The following LRRC7 variants were observed in gnomAD, a reference collection of about 807,000 sequenced individuals.
LRRC7 encodes leucine-rich repeat-containing protein 7.
A neutral mutation model predicts 175.7 loss-of-function variants in LRRC7; 23 were observed. That is an observed-to-expected ratio of 0.13 (90% CI 0.09 to 0.19). LRRC7 has a LOEUF of 0.19. Among genes scored for constraint, LRRC7 ranks in the 10% least tolerant of loss-of-function variants. The probability of loss-of-function intolerance (pLI) is 1.00; values close to 1 mark genes in which losing one functional copy is unlikely to be tolerated. For missense variants in LRRC7, 1,354 were observed against 1,904.7 expected (o/e 0.71, Z 5.38); for synonymous variants, 685 against 680.9 (o/e 1.01, Z -0.09).
At chr1:70,062,062 C>T (rs1661620692) in intron 23 of LRRC7, among the ~76,000 whole-genome samples, 2 of 152,106 alleles carry the variant, frequency 1.3e-5, no homozygotes, top group Non-Finnish European at 2.9e-5. Flanking sequence ...ACAACATTGT[C>T]AGGCACCTAC....
chr1:69,963,503 G>C lies in LRRC7; in HGVS notation c.712-16876G>C, dbSNP rs541998139. 2.6e-5 allele frequency among the ~76,000 whole-genome samples: 4 copies of C among 152,268 alleles called. No homozygotes were observed. The South Asian group carries it at 8.3e-4, about 32-fold the overall frequency. ...TTTTGTATGATATGGCAAAGGCCTA[G>C]TGGGGGCTTTGTATTCTTTGGATAA... is the stretch of plus-strand genomic sequence containing the variant. On this transcript the variant is annotated intron_variant, in intron 8 of 26. Transcript: ENST00000651989.
chr1:70,055,411 G>A (rs913160233), intron 23 of LRRC7, among the ~76,000 whole-genome samples: 9 of 152,150 alleles, frequency 5.9e-5, no homozygotes, highest in Non-Finnish European at 1.0e-4. Flanking sequence ...AAGACTGGAC[G>A]CAATGGAACT....
chr1:69,802,232 C>A (rs1382918916), intron 4 of LRRC7, among the ~76,000 whole-genome samples: 4 of 151,290 alleles, frequency 2.6e-5, no homozygotes, highest in Admixed American at 1.3e-4. Context: ...GTCTATTAGG[C>A]CCATTTGGTC....
At position 69,588,279 on chromosome 1, in the gene LRRC7, G is replaced by A. The variant is rs549850392; in HGVS notation, c.2+19638G>A. On this transcript the variant is annotated intron_variant, in intron 1 of 26. Coordinates refer to ENST00000651989, the MANE Select transcript of LRRC7 (RefSeq NM_001370785.2). ...GATGACCATTATTTTATCAGAAATG[G>A]CATCTTATTTTTTTTGCATACCTAG... is the stretch of plus-strand genomic sequence containing the variant. Among the ~76,000 whole-genome samples the A allele has an allele frequency of 1.1e-4, 17 of 152,024 alleles. 1 individual carries two copies. The highest frequency in any genetic ancestry group is 1.0e-3 in the Admixed American group (16 of 15,240).
chr1:69,966,781 C>G (rs1271532749), intron 8 of LRRC7, among the ~76,000 whole-genome samples: 1 of 152,200 alleles, frequency 6.6e-6, no homozygotes, highest in African/African-American at 2.4e-5. Flanking sequence ...ATTTAGAGAG[C>G]CGAGCAAAAT....
At chr1:69,697,870 C>T (rs927588418) in intron 2 of LRRC7, among the ~76,000 whole-genome samples, 3 of 152,168 alleles carry the variant, frequency 2.0e-5, no homozygotes, top group Non-Finnish European at 4.4e-5. Context: ...AGACTTAGTG[C>T]ATCTAGCCTC....
chr1:69,709,359 A>G (rs755207710), intron 2 of LRRC7, among the ~76,000 whole-genome samples: 7 of 152,156 alleles, frequency 4.6e-5, no homozygotes, highest in Non-Finnish European at 1.0e-4. Context: ...ATTTTTTATT[A>G]TGTTCACCCA....
chr1:69,967,413 C>T (rs926250126), intron 8 of LRRC7, among the ~76,000 whole-genome samples: 5 of 152,234 alleles, frequency 3.3e-5, no homozygotes, highest in African/African-American at 1.2e-4. Flanking sequence ...AGTTCTAGGG[C>T]CCCACCCACC....
chr1:69,808,632 G>A (rs918489658), intron 4 of LRRC7, among the ~76,000 whole-genome samples: 5 of 152,016 alleles, frequency 3.3e-5, no homozygotes, highest in African/African-American at 1.2e-4. Flanking sequence ...ACAACTACAA[G>A]GAAACTGAAC....
chr1:69,884,754 G>T (rs1686994513), intron 7 of LRRC7, among the ~76,000 whole-genome samples: 2 of 146,862 alleles, frequency 1.4e-5, no homozygotes, highest in South Asian at 4.4e-4. Flanking sequence ...CTGTGGGTTT[G>T]TCATAGGTAG....
intron 7 of LRRC7, among the ~76,000 whole-genome samples, chr1:69,854,955 A>T (rs767127994): frequency 5.3e-5 from 8 of 152,010 alleles, no homozygotes; most frequent in Non-Finnish European, 5.9e-5. Context: ...ATCTTTTTCA[A>T]CTCTTAATAC....
At chr1:69,936,973 A>G (rs989529495) in intron 8 of LRRC7, among the ~76,000 whole-genome samples, 1 of 152,086 alleles carries the variant, frequency 6.6e-6, no homozygotes, top group African/African-American at 2.4e-5. Context: ...TCCACCATTG[A>G]TAGGCATCTA....
intron 7 of LRRC7, among the ~76,000 whole-genome samples, chr1:69,881,812 C>T (rs12759650): frequency 0.41 from 61,142 of 148,972 alleles, 13,361 homozygotes; most frequent in East Asian, 0.55. Flanking sequence ...CCGAGGAGAA[C>T]AAGACTGCAG....
rs1257018112 is a variant in LRRC7 at position 70,143,899 on chromosome 1, A to AGTT, written c.*22014_*22016dup. ...TATATCACAATTAAAAGTACTTTTT[A>AGTT]GTTGAACTACATATTGATGTAAATA... On this transcript the variant is annotated 3_prime_UTR_variant, in exon 27 of 27. Coordinates refer to ENST00000651989, the MANE Select transcript of LRRC7 (RefSeq NM_001370785.2). 4 of 152,210 alleles carry AGTT rather than the reference A, an allele frequency of 2.6e-5. No homozygotes were observed. The highest frequency in any genetic ancestry group is 4.1e-4 in the South Asian group (2 of 4,836). The allele number at this position is 152,210 out of a possible 1,614,324, so 9.4% of individuals were successfully genotyped here.
intron 4 of LRRC7, among the ~76,000 whole-genome samples, chr1:69,808,353 C>T (rs1677386217): frequency 6.6e-6 from 1 of 151,670 alleles, no homozygotes; most frequent in African/African-American, 2.4e-5. Flanking sequence ...GACAGATGAA[C>T]AAGACAAAAA....
chr1:69,988,639 G>A (rs942257491), intron 10 of LRRC7, among the ~76,000 whole-genome samples: 3 of 152,132 alleles, frequency 2.0e-5, no homozygotes, highest in African/African-American at 7.2e-5. Flanking sequence ...TCTTTTCTGT[G>A]AAAAGGGACT....
intron 6 of LRRC7, among the ~76,000 whole-genome samples, chr1:69,836,721 T>C (rs2101344650): frequency 6.6e-6 from 1 of 152,054 alleles, no homozygotes; most frequent in African/African-American, 2.4e-5. Context: ...TACAAAATAT[T>C]ATACTAGTAC....
intron 7 of LRRC7, chr1:69,838,925 T>C (rs1369783618): frequency 1.3e-5 from 2 of 158,566 alleles, no homozygotes; most frequent in Non-Finnish European, 2.8e-5. Context: ...CAATAGAATT[T>C]TATGTTTTAC....
chr1:70,021,393 GA>G (rs113085310), intron 16 of LRRC7: 57 of 256,124 alleles, frequency 2.2e-4, no homozygotes, highest in African/African-American at 8.4e-4. Context: ...AGGGAAAGTA[GA>G]AAAAAAAATC....
Sources: allele counts gnomAD v4.1 joint callset (sites outside exome capture counted in the v4.1 genomes callset), GRCh38; gene constraint gnomAD v4.1.1; transcripts MANE v1.5; gene names NCBI Gene and HGNC (gene_info 2026-07-23, HGNC 2026-07-21).